SLC49A4: variants seen among roughly 807,000 people sequenced by gnomAD.
The protein encoded by SLC49A4 is solute carrier family 49 member 4, also known as disrupted in renal cancer protein 2.
A neutral mutation model predicts 50.6 loss-of-function variants in SLC49A4; 36 were observed. The observed-to-expected ratio is 0.71, with a 90% CI of 0.55 to 0.94. SLC49A4 has a LOEUF of 0.94. Ranked by LOEUF, SLC49A4 falls within the 40% of genes least tolerant of loss-of-function variation. SLC49A4 has a pLI of 0.00. For missense variants in SLC49A4, 503 were observed against 605.7 expected (o/e 0.83, Z 1.78); for synonymous variants, 248 against 241.2 (o/e 1.03, Z -0.26).
Position 122,826,908 on chromosome 3 carries a change from C to G in SLC49A4, c.546C>G (p.Ala182=). 1 of 1,614,164 alleles carries G rather than the reference C, an allele frequency of 6.2e-7. No individual in the cohort carries two copies. The highest frequency in any genetic ancestry group is 8.5e-7 in the Non-Finnish European group (1 of 1,180,020). Residue 182 remains alanine (A), a synonymous_variant, in exon 3 of 9, where the codon GCC becomes GCG. Coordinates refer to ENST00000261038, the MANE Select transcript of SLC49A4 (RefSeq NM_032839.3). Reference sequence around the variant, plus strand: ...TTTCTGCAGATGAAAGGGCCACAGCCACAGCTATTGCATCAATGCTCAGTT... The same window carrying G: ...TTTCTGCAGATGAAAGGGCCACAGCGACAGCTATTGCATCAATGCTCAGTT... ...TWFSADERAT[A]TAIASMLSYL... is the part of the protein sequence containing the mutation.
At chr3:122,866,077 G>A (rs1937115009) in intron 7 of SLC49A4, among the ~76,000 whole-genome samples, 1 of 151,962 alleles carries the variant, frequency 6.6e-6, no homozygotes, top group African/African-American at 2.4e-5. Context: ...TGTTGTCCAA[G>A]CTGGAGTACA....
chr3:122,826,961 T>C lies in SLC49A4; in HGVS notation c.599T>C (p.Val200Ala), dbSNP rs1240694187. The C allele has an allele frequency of 1.9e-6, 3 of 1,614,110 alleles. No homozygotes were observed. Among genetic ancestry groups the C allele is most frequent in the Non-Finnish European group, 8.5e-7 (1 of 1,180,034 alleles). Residue 200 changes from valine (V) to alanine (A), a missense_variant, in exon 3 of 9, where the codon GTT becomes GCT. Physicochemically the swap from Val to Ala is moderately conservative, Grantham distance 64 (BLOSUM62 0). Transcript: ENST00000261038. The part of the protein sequence containing the change: ...SYLGGACAFL[V>A]GPLVVPAPNG... ...CTTGGGGGAGCATGTGCATTTTTAG[T>C]TGGACCACTTGTTGTTCCAGCTCCC...
Position 122,795,467 on chromosome 3 carries a change from T to G in SLC49A4, c.275T>G (p.Leu92Arg). The G allele has an allele frequency of 6.2e-7, 1 of 1,606,950 alleles. No homozygotes were observed. The highest frequency in any genetic ancestry group is 8.5e-7 in the Non-Finnish European group (1 of 1,179,138). The change falls in exon 1 of 9, where the codon CTG (leucine) becomes CGG (arginine). Residue 92 changes from leucine to arginine, a missense_variant. Transcript: ENST00000261038. ...GGCTTCTCCAGCTGGGACATCGCGC[T>G]GCTCGTGCTGTGGGGGCCCATCGGC... is the stretch of plus-strand genomic sequence containing the variant. ...AYGFSSWDIA[L>R]LVLWGPIGFL... is the part of the protein sequence containing the mutation.
At chr3:122,868,232 G>T (rs1189788139) in intron 7 of SLC49A4, among the ~76,000 whole-genome samples, 2 of 152,112 alleles carry the variant, frequency 1.3e-5, no homozygotes, top group African/African-American at 4.8e-5. Context: ...CAAGTCATGT[G>T]CTTGAAATAC....
intron 6 of SLC49A4, among the ~76,000 whole-genome samples, chr3:122,858,689 T>C (rs1181791447): frequency 6.6e-6 from 1 of 152,128 alleles, no homozygotes; most frequent in Non-Finnish European, 1.5e-5. Flanking sequence ...ACAATAGAAA[T>C]GTAAATCAAC....
chr3:122,877,129 G>A (rs950887987), intron 8 of SLC49A4, among the ~76,000 whole-genome samples: 5 of 152,182 alleles, frequency 3.3e-5, no homozygotes, highest in African/African-American at 1.2e-4. Context: ...AAGGACAGCA[G>A]CTGACTTTGC....
At chr3:122,812,046 C>T (rs557988839) in intron 2 of SLC49A4, among the ~76,000 whole-genome samples, 1 of 152,182 alleles carries the variant, frequency 6.6e-6, no homozygotes, top group South Asian at 2.1e-4. Context: ...GCCTCAAACT[C>T]CTAGGCTCAA....
At chr3:122,845,246 T>C (rs1051468265) in intron 4 of SLC49A4, among the ~76,000 whole-genome samples, 10 of 152,182 alleles carry the variant, frequency 6.6e-5, no homozygotes, top group Admixed American at 2.0e-4. Context: ...GTTAGTTTTC[T>C]TAGGATAATG....
intron 1 of SLC49A4, among the ~76,000 whole-genome samples, chr3:122,799,532 G>A (rs898687142): frequency 2.0e-5 from 3 of 152,164 alleles, no homozygotes; most frequent in African/African-American, 7.2e-5. Flanking sequence ...GTGGTGAGAG[G>A]CCAGGAGATA....
intron 3 of SLC49A4, among the ~76,000 whole-genome samples, chr3:122,829,585 T>A (rs1238526121): frequency 6.6e-6 from 1 of 152,076 alleles, no homozygotes; most frequent in Non-Finnish European, 1.5e-5. Context: ...AAACCCCATC[T>A]CTACTAAAAA....
intron 2 of SLC49A4, among the ~76,000 whole-genome samples, chr3:122,810,698 A>G (rs1936286858): frequency 6.6e-6 from 1 of 152,258 alleles, no homozygotes; most frequent in African/African-American, 2.4e-5. Context: ...ATTTTCATTA[A>G]TATTAACAAT....
Position 122,872,467 on chromosome 3 carries a change from G to C in SLC49A4, c.1191G>C (p.Val397=), listed in dbSNP as rs1489131146. The C allele has an allele frequency of 6.2e-7, 1 of 1,613,836 alleles. No homozygotes were observed. Among genetic ancestry groups the C allele is most frequent in the East Asian group, 2.2e-5 (1 of 44,870 alleles). Residue 397 remains valine, a synonymous_variant, in exon 8 of 9, where the codon GTG becomes GTC. Coordinates refer to ENST00000261038, the MANE Select transcript of SLC49A4 (RefSeq NM_032839.3). ...ILLGVFLNSS[V]PIFFELFVET... ...TGGGAGTGTTCTTGAATAGCAGCGTGCCTATATTTTTTGAGCTTTTTGTGG... is the reference window on the plus strand; with the variant it reads ...TGGGAGTGTTCTTGAATAGCAGCGTCCCTATATTTTTTGAGCTTTTTGTGG...
At chr3:122,833,121 G>A (rs1036934073) in intron 3 of SLC49A4, among the ~76,000 whole-genome samples, 196 bp from the exon 4 acceptor site, 1 of 151,970 alleles carries the variant, frequency 6.6e-6, no homozygotes, top group African/African-American at 2.4e-5. Context: ...TGCATCTATG[G>A]TCCCAGCTAC....
chr3:122,850,417 T>C (rs761065553), intron 5 of SLC49A4, among the ~76,000 whole-genome samples: 1 of 152,144 alleles, frequency 6.6e-6, no homozygotes, highest in Non-Finnish European at 1.5e-5. Flanking sequence ...GGCAAAGATA[T>C]CTTGGGGTAA....
intron 1 of SLC49A4, among the ~76,000 whole-genome samples, chr3:122,804,444 TG>T (rs773796364): frequency 1.3e-5 from 2 of 152,238 alleles, no homozygotes; most frequent in Non-Finnish European, 2.9e-5. Context: ...GCTATTCTCC[TG>T]GGGTCCTCAT....
rs1315670831 is a variant in SLC49A4 at position 122,880,812 on chromosome 3, C to A, written c.*1434C>A. On this transcript the variant is annotated 3_prime_UTR_variant, in exon 9 of 9. Transcript: ENST00000261038. Reference sequence around the variant, plus strand: ...CTGCACCTGTGTGCGCCATGACACACCCACATGCAGATTCCCAAGTCTGTC... The same window carrying A: ...CTGCACCTGTGTGCGCCATGACACAACCACATGCAGATTCCCAAGTCTGTC... 6.6e-6 allele frequency: 1 copy of A among 152,546 alleles called. No individual in the cohort carries two copies. 9.4% of individuals were successfully genotyped at this position (152,546 alleles called of 1,614,324 possible).
At chr3:122,834,079 A>C (rs918696359) in intron 4 of SLC49A4, among the ~76,000 whole-genome samples, 3 of 152,200 alleles carry the variant, frequency 2.0e-5, no homozygotes, top group Non-Finnish European at 4.4e-5. Context: ...ACTATTGATT[A>C]TGATTTGCAG....
chr3:122,797,045 G>T (rs1201321971), intron 1 of SLC49A4, among the ~76,000 whole-genome samples: 1 of 152,198 alleles, frequency 6.6e-6, no homozygotes, highest in African/African-American at 2.4e-5. Flanking sequence ...GATGTTAGTA[G>T]TTATACTTCC....
At chr3:122,835,362 C>A (rs146266524) in intron 4 of SLC49A4, among the ~76,000 whole-genome samples, 2 of 151,986 alleles carry the variant, frequency 1.3e-5, no homozygotes, top group Non-Finnish European at 2.9e-5. Context: ...ATCATAGATA[C>A]AAAAATCCTT....
Sources: allele counts gnomAD v4.1 joint callset (sites outside exome capture counted in the v4.1 genomes callset), GRCh38; gene constraint gnomAD v4.1.1; transcripts MANE v1.5; gene names NCBI Gene and HGNC (gene_info 2026-07-23, HGNC 2026-07-21).